Variants in RADIL observed in about 807,000 individuals in gnomAD.
RADIL encodes ras-associating and dilute domain-containing protein.
In RADIL, 99 loss-of-function variants were observed where a neutral mutation model predicts 97.6. That is an observed-to-expected ratio of 1.01 (90% confidence interval 0.86 to 1.20). The LOEUF (loss-of-function observed/expected upper bound fraction) is 1.20, where lower values mean the gene tolerates loss of function less well. RADIL is among the 50% of genes most tolerant of loss of function. RADIL has a pLI of 0.00. For missense variants in RADIL, 1,765 were observed against 1,498.9 expected, an observed-to-expected ratio of 1.18 and a Z score of -2.93; for synonymous variants, 803 against 691.8, an observed-to-expected ratio of 1.16 and a Z score of -2.52.
chr7:4,803,889 G>A (rs752250560), intron 10 of RADIL, 135 bp from the exon 11 acceptor site: 20 of 825,238 alleles, frequency 2.4e-5, no homozygotes, highest in Middle Eastern at 2.2e-4. Context: ...GACACAGGAG[G>A]CTGGGATCCT....
At position 4,819,811 on chromosome 7, in the gene RADIL, G is replaced by A. The variant is rs910029158; in HGVS notation, c.1616-2460C>T. On this transcript the variant is annotated intron_variant, in intron 6 of 14. Coordinates refer to ENST00000399583, the MANE Select transcript of RADIL (RefSeq NM_018059.5). This position sits in a 1 kb window ranked among gnomAD's most constrained non-coding sequence, Gnocchi z 5.8. ...GTTCCCTGGTGCCTGCCTGGCCCTC[G>A]ACACCCGGAGCCTGCAGGCATCCCT... Among the ~76,000 whole-genome samples the A allele has an allele frequency of 3.3e-5, 5 of 152,162 alleles. No homozygotes were observed. The highest frequency in any genetic ancestry group is 7.3e-5 in the Non-Finnish European group (5 of 68,028).
chr7:4,837,407 C>T lies in RADIL; in HGVS notation c.536-802G>A, dbSNP rs1348488142. Among the ~76,000 whole-genome samples the T allele has an allele frequency of 6.6e-6, 1 of 152,180 alleles. No individual in the cohort carries two copies. The highest frequency in any genetic ancestry group is 1.5e-5 in the Non-Finnish European group (1 of 68,042). Reference sequence around the variant, plus strand: ...GAGACGGACTGGTCAGCATCCTGCCCCTACTTTACAAGGAGGAGGTGTCAC... The same window carrying T: ...GAGACGGACTGGTCAGCATCCTGCCTCTACTTTACAAGGAGGAGGTGTCAC... On this transcript the variant is annotated intron_variant, in intron 2 of 14. Transcript: ENST00000399583. This position sits in a 1 kb window ranked among gnomAD's most constrained non-coding sequence, Gnocchi z 5.6.
At chr7:4,805,929 G>C (rs1782292477) in intron 9 of RADIL, 24 of 985,394 alleles carry the variant, frequency 2.4e-5, no homozygotes, top group Non-Finnish European at 2.9e-5. Flanking sequence ...AGGCCGGCCA[G>C]TGCCATCGGG....
In RADIL at chr7:4,883,443, G is replaced by A. The variant is rs1784526297; in HGVS notation, c.-65+153C>T. ...GCCAGTCGGTTCCCATGGCAACTGG[G>A]CAAACCTGCCCTCCGCGCCCCGACC... On this transcript the variant is annotated intron_variant, in intron 1 of 14. Coordinates refer to ENST00000399583, the MANE Select transcript of RADIL (RefSeq NM_018059.5). The surrounding 1 kb of genome is among the most constrained non-coding windows in gnomAD (Gnocchi z 7.1). 6.6e-6 allele frequency among the ~76,000 whole-genome samples: 1 copy of A among 151,968 alleles called. No individual in the cohort carries two copies. Among genetic ancestry groups the A allele is most frequent in the South Asian group, 2.1e-4 (1 of 4,832 alleles).
chr7:4,809,946 G>A (rs546210612), intron 9 of RADIL, among the ~76,000 whole-genome samples: 103 of 150,932 alleles, frequency 6.8e-4, no homozygotes, highest in African/African-American at 1.7e-3. Flanking sequence ...TCCATCTCCC[G>A]GGTTCCAGTG....
rs1782190693 is a variant in RADIL, at chr7:4,803,545, C to G, written c.2499+1G>C. ...GGCTGGGGGGCCCCCTCCCCGGGTA[C>G]CTCGGGGCACACTGGCTGGGAGGCC... On this transcript the variant is annotated splice_donor_variant, in intron 11 of 14. Transcript: ENST00000399583. LOFTEE classifies it high-confidence loss of function. 1 of 1,538,666 alleles carries G rather than the reference C, an allele frequency of 6.5e-7. No homozygotes were observed. The highest frequency in any genetic ancestry group is 1.4e-5 in the African/African-American group (1 of 72,662).
chr7:4,878,190 G>C lies in RADIL; in HGVS notation c.-51C>G. 6.8e-7 allele frequency: 1 copy of C among 1,466,088 alleles called. No individual in the cohort carries two copies. The allele number at this position is 1,466,088 out of a possible 1,614,324, so 90.8% of individuals were successfully genotyped here. ...ACTGTGGGCTTCAGCCAAAGGATGTGGGGAGGCCGTGACCTGGGTGAAAAA... is the reference window on the plus strand; with the variant it reads ...ACTGTGGGCTTCAGCCAAAGGATGTCGGGAGGCCGTGACCTGGGTGAAAAA... On this transcript the variant is annotated 5_prime_UTR_variant, in exon 2 of 15. Coordinates refer to ENST00000399583, the MANE Select transcript of RADIL (RefSeq NM_018059.5). The surrounding 1 kb of genome is among the most constrained non-coding windows in gnomAD (Gnocchi z 4.1).
chr7:4,853,265 T>C (rs974940642), intron 2 of RADIL, among the ~76,000 whole-genome samples: 1 of 152,216 alleles, frequency 6.6e-6, no homozygotes, highest in African/African-American at 2.4e-5. Flanking sequence ...TTATGTTTTG[T>C]TGTATGACAA....
Position 4,817,882 on chromosome 7 carries a change from G to A in RADIL, c.1616-531C>T, listed in dbSNP as rs571239896. On this transcript the variant is annotated intron_variant, in intron 6 of 14. Coordinates refer to ENST00000399583, the MANE Select transcript of RADIL (RefSeq NM_018059.5). This position sits in a 1 kb window ranked among gnomAD's most constrained non-coding sequence, Gnocchi z 8.3. ...GCTGAGGCTGGGGGGAGCTGCCCAC[G>A]GAGTGGTTCCTGCCGTCTGGGTGGG... Among the ~76,000 whole-genome samples the A allele has an allele frequency of 4.6e-5, 7 of 152,316 alleles. No individual in the cohort carries two copies. Among genetic ancestry groups the A allele is most frequent in the South Asian group, 4.1e-4 (2 of 4,828 alleles).
chr7:4,805,174 T>G, intron 10 of RADIL: 1 of 217,436 alleles, frequency 4.6e-6, no homozygotes, highest in African/African-American at 2.3e-5. Flanking sequence ...CGTATGGACA[T>G]GTGTGTGTGC....
intron 2 of RADIL, chr7:4,861,973 T>G (rs1784021045): frequency 2.2e-6 from 1 of 458,056 alleles, no homozygotes. Flanking sequence ...GAGCTTCTCC[T>G]CCTTCCCCTC....
At chr7:4,802,093 G>T in intron 11 of RADIL, 98 bp from the exon 12 acceptor site, 1 of 1,052,510 alleles carries the variant, frequency 9.5e-7, no homozygotes, top group Non-Finnish European at 1.4e-6. Flanking sequence ...CCGCCAGGCC[G>T]CGGGGCAGAG....
chr7:4,860,432 T>A (rs748076441), intron 2 of RADIL: 2 of 1,614,206 alleles, frequency 1.2e-6, no homozygotes, highest in South Asian at 1.1e-5. Context: ...AGACTGGATA[T>A]CATAGGTGAG....
At chr7:4,838,944 C>T (rs117552243) in intron 2 of RADIL, among the ~76,000 whole-genome samples, 2,258 of 151,862 alleles carry the variant, frequency 0.015, 32 homozygotes, top group Middle Eastern at 0.027. Context: ...TGCACACATG[C>T]ATGCACACGT....
Position 4,867,476 on chromosome 7 carries a change from T to A in RADIL, c.535+10129A>T, listed in dbSNP as rs1432828969. Among the ~76,000 whole-genome samples the A allele has an allele frequency of 1.3e-5, 2 of 152,098 alleles. No homozygotes were observed. Among genetic ancestry groups the A allele is most frequent in the East Asian group, 3.9e-4 (2 of 5,178 alleles). ...AATGAGCTGACTAGAGCACCATGGGTAGGTGTCAAAAACATAATGTGAGGC... is the reference window on the plus strand; with the variant it reads ...AATGAGCTGACTAGAGCACCATGGGAAGGTGTCAAAAACATAATGTGAGGC... On this transcript the variant is annotated intron_variant, in intron 2 of 14. Transcript: ENST00000399583. The surrounding 1 kb of genome is among the most constrained non-coding windows in gnomAD (Gnocchi z 4.1).
chr7:4,836,283 AG>A lies in RADIL; in HGVS notation c.783+74del. 3 of 1,541,970 alleles carry A rather than the reference AG, an allele frequency of 1.9e-6. No individual in the cohort carries two copies. The Admixed American group carries it at 6.0e-5, about 31-fold the overall frequency. ...GGCCGACTGGGCTAAAGGCAGGCGGAGGCCTTGACTTCTGAGTCCCGCCTGC... is the reference window on the plus strand; with the variant it reads ...GGCCGACTGGGCTAAAGGCAGGCGGAGCCTTGACTTCTGAGTCCCGCCTGC... On this transcript the variant is annotated intron_variant, in intron 3 of 14. Transcript: ENST00000399583.
At chr7:4,799,972 G>C (rs1170295214) in intron 13 of RADIL, among the ~76,000 whole-genome samples, 199 bp downstream of exon 13, 1 of 152,210 alleles carries the variant, frequency 6.6e-6, no homozygotes, top group African/African-American at 2.4e-5. Flanking sequence ...CTTGAGGACA[G>C]AGGCAAGAGA....
intron 5 of RADIL, among the ~76,000 whole-genome samples, chr7:4,830,264 T>G (rs11767888): frequency 6.6e-6 from 1 of 151,990 alleles, no homozygotes; most frequent in African/African-American, 2.4e-5. Context: ...GGAGGAGACA[T>G]GTGGCGGCTT....
chr7:4,804,029 C>A, intron 10 of RADIL: 1 of 505,672 alleles, frequency 2.0e-6, no homozygotes, highest in Non-Finnish European at 3.7e-6. Context: ...CCCCACTGAG[C>A]CGCTCTGCAC....
Sources: gnomAD v4.1 joint callset for allele counts (sites outside exome capture counted in the v4.1 genomes callset) on GRCh38, gnomAD v4.1.1 for gene constraint, Gnocchi (gnomAD v3.1) non-coding constraint, MANE v1.5 for transcripts, NCBI Gene and HGNC (gene_info 2026-07-23, HGNC 2026-07-21) for gene names.